The following CLVS1 variants were observed in gnomAD, a reference collection of about 807,000 sequenced individuals.
CLVS1 encodes the protein clavesin 1.
CLVS1 carries 10 observed loss-of-function variants against 33.1 expected under a neutral mutation model. That is an observed-to-expected ratio of 0.30 (90% confidence interval 0.19 to 0.51). The LOEUF (loss-of-function observed/expected upper bound fraction) is 0.51. Ranked by LOEUF, CLVS1 falls within the 20% of genes least tolerant of loss-of-function variation. CLVS1 has a pLI of 0.97. For missense variants in CLVS1, 343 were observed against 433.4 expected (o/e 0.79, Z 1.85); for synonymous variants, 163 against 166.1 (o/e 0.98, Z 0.14).
At chr8:61,431,064 G>C (rs936768835) in intron 3 of CLVS1, among the ~76,000 whole-genome samples, 1 of 152,162 alleles carries the variant, frequency 6.6e-6, no homozygotes, top group Non-Finnish European at 1.5e-5. Flanking sequence ...GCTTAAAATA[G>C]TATTCAACAA....
chr8:61,020,242 T>C, the CLVS1 span, among the ~76,000 whole-genome samples: 2 of 152,256 alleles, frequency 1.3e-5, no homozygotes, highest in East Asian at 3.8e-4. Flanking sequence ...AGAAGGATTA[T>C]TGAATAGGCT....
At chr8:61,375,263 T>C (rs1224118869) in intron 2 of CLVS1, among the ~76,000 whole-genome samples, 1 of 151,684 alleles carries the variant, frequency 6.6e-6, no homozygotes, top group Non-Finnish European at 1.5e-5. Context: ...TTTTTTTTTT[T>C]TTTATGAGAC....
At chr8:61,164,177 C>T (rs1039614839) in intron 2 of CLVS1, among the ~76,000 whole-genome samples, 3 of 152,174 alleles carry the variant, frequency 2.0e-5, no homozygotes, top group African/African-American at 2.4e-5. Flanking sequence ...AGTTAAAGGC[C>T]TGTGTTTAAA....
intron 1 of CLVS1, among the ~76,000 whole-genome samples, chr8:61,067,028 G>T (rs7812720): frequency 0.031 from 4,690 of 152,186 alleles, 236 homozygotes; most frequent in African/African-American, 0.1. Context: ...CCATAAATGG[G>T]GGGGGAGGGC....
chr8:61,282,940 A>C (rs1230678710), intron 2 of CLVS1, among the ~76,000 whole-genome samples: 1 of 152,120 alleles, frequency 6.6e-6, no homozygotes, highest in African/African-American at 2.4e-5. Context: ...ATTCCCTCCT[A>C]CCCAGTGATG....
chr8:61,085,125 T>G (rs1029467371), intron 1 of CLVS1, among the ~76,000 whole-genome samples: 5 of 152,180 alleles, frequency 3.3e-5, no homozygotes, highest in African/African-American at 1.2e-4. Context: ...GATGCAGGTA[T>G]TTGGAAGGGA....
At chr8:61,154,249 G>A (rs114312516) in intron 2 of CLVS1, among the ~76,000 whole-genome samples, 334 of 151,620 alleles carry the variant, frequency 2.2e-3, no homozygotes, top group African/African-American at 7.8e-3. Context: ...TGCTGGTGGA[G>A]CATGGTATTT....
At chr8:61,119,730 G>T (rs1162789595) in intron 1 of CLVS1, among the ~76,000 whole-genome samples, 5 of 120,094 alleles carry the variant, frequency 4.2e-5, no homozygotes, top group African/African-American at 1.5e-4. Flanking sequence ...TAGGGTTTCT[G>T]CTGAGAGATC....
chr8:61,364,590 G>T (rs1813113757), intron 2 of CLVS1, among the ~76,000 whole-genome samples: 1 of 152,160 alleles, frequency 6.6e-6, no homozygotes, highest in African/African-American at 2.4e-5. Context: ...AAGAAGGATA[G>T]AATTTGTAAA....
intron 2 of CLVS1, among the ~76,000 whole-genome samples, chr8:61,181,807 C>T (rs1807240882): frequency 6.7e-6 from 1 of 149,904 alleles, no homozygotes; most frequent in Non-Finnish European, 1.5e-5. Context: ...TCCTGCCATT[C>T]TCCTGCCTCA....
chr8:61,035,425 C>T, the CLVS1 span, among the ~76,000 whole-genome samples: 4 of 152,096 alleles, frequency 2.6e-5, no homozygotes, highest in Non-Finnish European at 5.9e-5. Flanking sequence ...TAGGATTTTG[C>T]AGCCTCAAAG....
intron 1 of CLVS1, among the ~76,000 whole-genome samples, chr8:61,071,647 T>TG (rs1804798697): frequency 6.6e-6 from 1 of 152,168 alleles, no homozygotes; most frequent in Non-Finnish European, 1.5e-5. Context: ...CCTTTGGTTG[T>TG]GGGGGGACAT....
At chr8:61,479,125 C>T (rs191398584) in intron 5 of CLVS1, among the ~76,000 whole-genome samples, 11 of 152,262 alleles carry the variant, frequency 7.2e-5, no homozygotes, top group Non-Finnish European at 1.6e-4. Context: ...TGAACGTTGG[C>T]CTGCCTCGCT....
At position 61,499,753 on chromosome 8, in the gene CLVS1, G is replaced by A; in HGVS notation, c.*211G>A. The stretch of plus-strand genomic sequence containing the variant: ...AGAGATGCTTTTTTTTTCCCCCAGT[G>A]AGGGGACTGGAGGATGATGCAAGGC... On this transcript the variant is annotated 3_prime_UTR_variant, in exon 6 of 6. Transcript: ENST00000325897. 2.6e-6 allele frequency: 1 copy of A among 389,942 alleles called. No individual in the cohort carries two copies. The highest frequency in any genetic ancestry group is 4.7e-6 in the Non-Finnish European group (1 of 214,094). The allele number at this position is 389,942 out of a possible 1,614,324, so 24.2% of individuals were successfully genotyped here. A position where few individuals can be genotyped will look rare whatever the true frequency, so the allele number is the denominator to read the frequency against.
At chr8:61,208,506 A>G (rs1807903648) in intron 2 of CLVS1, among the ~76,000 whole-genome samples, 1 of 152,206 alleles carries the variant, frequency 6.6e-6, no homozygotes, top group Non-Finnish European at 1.5e-5. Flanking sequence ...CAGTGTTTGA[A>G]TGTTAAATTC....
At chr8:61,079,042 A>G (rs1364539125) in intron 1 of CLVS1, among the ~76,000 whole-genome samples, 1 of 152,178 alleles carries the variant, frequency 6.6e-6, no homozygotes, top group Non-Finnish European at 1.5e-5. Flanking sequence ...CAAGACCAAA[A>G]CATCAAAACG....
At chr8:61,459,117 A>T (rs1217199036) in intron 5 of CLVS1, among the ~76,000 whole-genome samples, 1 of 152,106 alleles carries the variant, frequency 6.6e-6, no homozygotes, top group African/African-American at 2.4e-5. Context: ...ATCCAAGCAG[A>T]GTGGACAGAC....
At chr8:61,389,593 A>T (rs1448758474) in intron 3 of CLVS1, among the ~76,000 whole-genome samples, 1 of 152,146 alleles carries the variant, frequency 6.6e-6, no homozygotes, top group African/African-American at 2.4e-5. Context: ...CACGAATAAC[A>T]TAAAATTTTG....
At chr8:61,381,157 C>CT (rs112600402) in intron 3 of CLVS1, among the ~76,000 whole-genome samples, 14,843 of 148,266 alleles carry the variant, frequency 0.1, 1,936 homozygotes, top group African/African-American at 0.3. Context: ...ATTGTGTGAC[C>CT]TTTTTTTTTT....
Sources: allele counts gnomAD v4.1 joint callset (sites outside exome capture counted in the v4.1 genomes callset), GRCh38; gene constraint gnomAD v4.1.1; transcripts MANE v1.5; gene names NCBI Gene and HGNC (gene_info 2026-07-23, HGNC 2026-07-21).